The following FNBP1L variants were observed in gnomAD, a reference collection of about 807,000 sequenced individuals.
The protein encoded by FNBP1L is formin-binding protein 1-like.
FNBP1L carries 36 observed loss-of-function variants against 91.2 expected under a neutral mutation model. The ratio of observed to expected loss-of-function variants is 0.39; its 90% CI spans 0.30 to 0.52. The LOEUF is 0.52. Among genes scored for constraint, FNBP1L ranks in the 20% least tolerant of loss-of-function variants. The probability of loss-of-function intolerance (pLI) is 0.66; values close to 1 mark genes in which losing one functional copy is unlikely to be tolerated. For synonymous variants in FNBP1L, 242 were observed against 237.0 expected, an observed-to-expected ratio of 1.02 and a Z score of -0.19; for missense variants, 571 against 732.1, an observed-to-expected ratio of 0.78 and a Z score of 2.54.
rs944387594 is a variant in FNBP1L, at chr1:93,544,163, A to G, written c.1221A>G (p.Leu407=). Residue 407 remains leucine (L), a synonymous_variant, in exon 12 of 17, where the codon CTA becomes CTG. Coordinates refer to ENST00000271234, the MANE Select transcript of FNBP1L (RefSeq NM_001164473.3). ...HLPPEQRRKK[L]QQRIDELNRE... ...CACCAGAACAGAGACGTAAAAAACT[A>G]CAGCAGCGCATTGATGAACTTAACA... 2 of 1,612,518 alleles carry G rather than the reference A, an allele frequency of 1.2e-6. No individual in the cohort carries two copies. The highest frequency in any genetic ancestry group is 1.3e-5 in the African/African-American group (1 of 75,022).
rs555756564 is a variant in FNBP1L, at chr1:93,501,111, C to G, written c.140+1528C>G. Among the ~76,000 whole-genome samples, 4 of 152,140 alleles carry G rather than the reference C, an allele frequency of 2.6e-5. No homozygotes were observed. In the South Asian group the frequency reaches 8.3e-4, roughly 32 times the overall value. On this transcript the variant is annotated intron_variant, in intron 2 of 16. Coordinates refer to ENST00000271234, the MANE Select transcript of FNBP1L (RefSeq NM_001164473.3). ...TTCTATTTAAATTTTAATTTGATCTCAATTTTAGCACATTAAATTCTCAGA... is the reference window on the plus strand; with the variant it reads ...TTCTATTTAAATTTTAATTTGATCTGAATTTTAGCACATTAAATTCTCAGA...
chr1:93,535,164 A>G (rs1340821544), intron 9 of FNBP1L, among the ~76,000 whole-genome samples: 1 of 152,112 alleles, frequency 6.6e-6, no homozygotes, highest in Non-Finnish European at 1.5e-5. Context: ...TATGCTTTTG[A>G]AGTTTCATTT....
At chr1:93,500,442 T>G (rs1670407982) in intron 2 of FNBP1L, among the ~76,000 whole-genome samples, 1 of 152,012 alleles carries the variant, frequency 6.6e-6, no homozygotes, top group Non-Finnish European at 1.5e-5. Flanking sequence ...TTCTCTATTG[T>G]ACCTTTGGGG....
chr1:93,507,097 A>ACTCTCT (rs1670652388), intron 2 of FNBP1L, among the ~76,000 whole-genome samples: 3 of 84,108 alleles, frequency 3.6e-5, no homozygotes, highest in Non-Finnish European at 6.8e-5. Context: ...ACACACACAC[A>ACTCTCT]CACACACACA....
intron 2 of FNBP1L, 21 bp from the exon 3 acceptor site, chr1:93,522,061 T>A: frequency 6.9e-7 from 1 of 1,459,054 alleles, no homozygotes; most frequent in Non-Finnish European, 9.1e-7. Context: ...TAATAAACTT[T>A]AAAAAATCTT....
intron 15 of FNBP1L, 55 bp from the exon 16 acceptor site, chr1:93,550,892 C>T: frequency 6.9e-7 from 1 of 1,443,146 alleles, no homozygotes; most frequent in East Asian, 2.4e-5. Context: ...GTATTAGTAA[C>T]TTTAAAAAAA....
chr1:93,452,777 A>G (rs1212729194), intron 1 of FNBP1L, among the ~76,000 whole-genome samples: 1 of 152,218 alleles, frequency 6.6e-6, no homozygotes, highest in Non-Finnish European at 1.5e-5. Flanking sequence ...AAGAAAATTC[A>G]TTATTAATGT....
chr1:93,541,026 C>G lies in FNBP1L; in HGVS notation c.1150-16C>G, dbSNP rs566419031. The G allele has an allele frequency of 3.9e-6, 6 of 1,535,568 alleles. No homozygotes were observed. In the Admixed American group the frequency reaches 1.2e-4, roughly 30 times the overall value. Reference sequence around the variant, plus strand: ...ATAATTTACCATTTCTTTCTGTTTTCCATTGAACTATTCAGTGGTCGGTGA... The same window carrying G: ...ATAATTTACCATTTCTTTCTGTTTTGCATTGAACTATTCAGTGGTCGGTGA... On this transcript the variant is annotated splice_polypyrimidine_tract_variant and intron_variant, in intron 10 of 16. Coordinates refer to ENST00000271234, the MANE Select transcript of FNBP1L (RefSeq NM_001164473.3).
chr1:93,535,779 G>A (rs879212639), intron 9 of FNBP1L, among the ~76,000 whole-genome samples: 3 of 151,562 alleles, frequency 2.0e-5, no homozygotes, highest in African/African-American at 4.8e-5. Flanking sequence ...AAGTCAGATC[G>A]AGGTAGCTAG....
At position 93,523,328 on chromosome 1, in the gene FNBP1L, GA is replaced by G; in HGVS notation, c.195-13del. 6.3e-7 allele frequency: 1 copy of G among 1,588,452 alleles called. No individual in the cohort carries two copies. On this transcript the variant is annotated splice_polypyrimidine_tract_variant and intron_variant, in intron 3 of 16. Coordinates refer to ENST00000271234, the MANE Select transcript of FNBP1L (RefSeq NM_001164473.3). ...AAATAAAAGTAAGTCTCACCATTTT[GA>G]AATGTTTTTGCCAGGTTTACCTCGT...
chr1:93,516,205 T>C (rs1345323165), intron 2 of FNBP1L, among the ~76,000 whole-genome samples: 3 of 152,142 alleles, frequency 2.0e-5, no homozygotes, highest in African/African-American at 7.2e-5. Context: ...AAAAAAAAGT[T>C]TTCTCATCTT....
chr1:93,497,352 G>A (rs548315653), intron 1 of FNBP1L, among the ~76,000 whole-genome samples: 1 of 152,168 alleles, frequency 6.6e-6, no homozygotes, highest in Non-Finnish European at 1.5e-5. Context: ...TAAATTTATT[G>A]GCCAAATTTT....
intron 3 of FNBP1L, among the ~76,000 whole-genome samples, chr1:93,523,098 T>C (rs777987527): frequency 1.3e-5 from 2 of 152,194 alleles, no homozygotes; most frequent in Non-Finnish European, 2.9e-5. Flanking sequence ...GCAGGTAGTA[T>C]TCTTATTATT....
At chr1:93,517,193 G>A (rs929728272) in intron 2 of FNBP1L, among the ~76,000 whole-genome samples, 4 of 151,900 alleles carry the variant, frequency 2.6e-5, no homozygotes, top group African/African-American at 9.7e-5. Context: ...ACAGGAGTGC[G>A]CCACCATGCC....
chr1:93,539,411 A>G (rs893395628), intron 10 of FNBP1L, among the ~76,000 whole-genome samples: 1 of 151,912 alleles, frequency 6.6e-6, no homozygotes, highest in African/African-American at 2.4e-5. Flanking sequence ...CTTACACAGA[A>G]CATATGTCTA....
At chr1:93,520,418 C>CT in intron 2 of FNBP1L, among the ~76,000 whole-genome samples, 1 of 152,126 alleles carries the variant, frequency 6.6e-6, no homozygotes, top group Non-Finnish European at 1.5e-5. Context: ...GTTTCCAATC[C>CT]ATTGTGTACT....
chr1:93,541,701 A>G (rs992523388), intron 11 of FNBP1L, among the ~76,000 whole-genome samples: 1 of 152,144 alleles, frequency 6.6e-6, no homozygotes, highest in Non-Finnish European at 1.5e-5. Flanking sequence ...TTGTATAGGA[A>G]GCTACTGGAA....
At chr1:93,531,779 A>T (rs1671684986) in intron 7 of FNBP1L, among the ~76,000 whole-genome samples, 1 of 152,192 alleles carries the variant, frequency 6.6e-6, no homozygotes, top group Non-Finnish European at 1.5e-5. Context: ...TTTGGGCCTG[A>T]TACTTGGATT....
At chr1:93,518,498 T>C (rs1357884892) in intron 2 of FNBP1L, among the ~76,000 whole-genome samples, 1 of 152,218 alleles carries the variant, frequency 6.6e-6, no homozygotes, top group African/African-American at 2.4e-5. Context: ...TTGAACATGT[T>C]AAGGTGGGAG....
Sources: gnomAD v4.1 joint callset for allele counts (sites outside exome capture counted in the v4.1 genomes callset) on GRCh38, gnomAD v4.1.1 for gene constraint, MANE v1.5 for transcripts, NCBI Gene and HGNC (gene_info 2026-07-23, HGNC 2026-07-21) for gene names.